Variants in APBB1 observed in about 807,000 individuals in gnomAD.
APBB1 encodes amyloid beta precursor protein binding family B member 1.
APBB1 carries 22 observed loss-of-function variants against 78.4 expected under a neutral mutation model. The observed-to-expected ratio is 0.28, with a 90% CI of 0.20 to 0.40. The LOEUF (loss-of-function observed/expected upper bound fraction) is 0.40. APBB1 is among the 10% of genes least tolerant of loss of function. APBB1 has a pLI of 1.00. For synonymous variants in APBB1, 369 were observed against 372.7 expected, an observed-to-expected ratio of 0.99 and a Z score of 0.12; for missense variants, 749 against 932.4, an observed-to-expected ratio of 0.80 and a Z score of 2.56.
chr11:6,395,639 G>GGGTGCTGGGAGGCAGGA lies in APBB1; in HGVS notation c.2011_2027dup (p.Glu679SerfsTer13). On this transcript the variant is annotated frameshift_variant, in exon 15 of 15. Coordinates refer to ENST00000609360, the MANE Select transcript of APBB1 (RefSeq NM_001164.5). LOFTEE classifies it high-confidence loss of function. The surrounding 1 kb of genome is among the most constrained non-coding windows in gnomAD (Gnocchi z 5.2). ...CACGCCGTGCCACAGACTCAGCAGG[G>GGGTGCTGGGAGGCAGGA]GGTGCTGGGAGGCAGGAGGTGGAGG... 1 of 1,596,584 alleles carries GGGTGCTGGGAGGCAGGA rather than the reference G, an allele frequency of 6.3e-7. No homozygotes were observed. Among genetic ancestry groups the GGGTGCTGGGAGGCAGGA allele is most frequent in the Non-Finnish European group, 8.5e-7 (1 of 1,170,186 alleles).
intron 1 of APBB1, among the ~76,000 whole-genome samples, chr11:6,413,377 G>C (rs1418869763): frequency 6.6e-6 from 1 of 152,138 alleles, no homozygotes; most frequent in Non-Finnish European, 1.5e-5. Context: ...TTATCTGAGA[G>C]TTCCCTATCT....
chr11:6,408,111 T>C (rs1848863637), intron 2 of APBB1, among the ~76,000 whole-genome samples: 3 of 152,318 alleles, frequency 2.0e-5, no homozygotes, highest in Middle Eastern at 6.8e-3. Context: ...CTATGAAATA[T>C]TCTTGCAAAA....
In APBB1 at chr11:6,401,751, C is replaced by T. The variant is rs748552546; in HGVS notation, c.1389-63G>A. ...ATCCAGTGCTGAGCCTGGTCCCCAC[C>T]CCACCCACGTCCTCCCTGCCCATCA... is the stretch of plus-strand genomic sequence containing the variant. On this transcript the variant is annotated intron_variant, in intron 9 of 14. Transcript: ENST00000609360. This position sits in a 1 kb window ranked among gnomAD's most constrained non-coding sequence, Gnocchi z 4.5. 19 of 1,575,812 alleles carry T rather than the reference C, an allele frequency of 1.2e-5. No homozygotes were observed. In the Admixed American group the frequency reaches 3.2e-4, roughly 26 times the overall value.
At chr11:6,409,607 T>C (rs892888887) in intron 2 of APBB1, among the ~76,000 whole-genome samples, 5 of 152,216 alleles carry the variant, frequency 3.3e-5, no homozygotes, top group Non-Finnish European at 7.3e-5. Context: ...CTGAACTGCA[T>C]GTTCTCCACA....
chr11:6,399,205 C>T (rs2134048322), intron 12 of APBB1, among the ~76,000 whole-genome samples: 1 of 152,274 alleles, frequency 6.6e-6, no homozygotes, highest in African/African-American at 2.4e-5. Context: ...ACATCCATGG[C>T]TTTGATTACC....
intron 12 of APBB1, among the ~76,000 whole-genome samples, chr11:6,397,400 C>CA (rs144326806): frequency 0.04 from 6,149 of 152,342 alleles, 435 homozygotes; most frequent in African/African-American, 0.14. Context: ...CCAGAGCTGT[C>CA]AAGCTTCATA....
At chr11:6,402,026 G>A (rs1382647597) in intron 8 of APBB1, 44 bp from the exon 9 acceptor site, 3 of 1,604,624 alleles carry the variant, frequency 1.9e-6, no homozygotes, top group Admixed American at 1.7e-5. Context: ...GAGTTAGAGA[G>A]GAGGACTCTG....
At chr11:6,402,332 C>T (rs577254190) in intron 7 of APBB1, 123 bp from the exon 8 acceptor site, 51 of 1,404,984 alleles carry the variant, frequency 3.6e-5, no homozygotes, top group East Asian at 3.6e-4. Flanking sequence ...TCAGACCGCC[C>T]GCCCTGCAGG....
intron 2 of APBB1, among the ~76,000 whole-genome samples, chr11:6,410,050 G>C (rs1004365616): frequency 6.6e-6 from 1 of 151,854 alleles, no homozygotes; most frequent in Non-Finnish European, 1.5e-5. Context: ...GTTAAAACGG[G>C]GCAGACTGGC....
intron 2 of APBB1, chr11:6,405,437 G>A: frequency 1.0e-6 from 1 of 987,292 alleles, no homozygotes. Flanking sequence ...CGCAGCACCA[G>A]GACCGGCTGG....
chr11:6,402,743 G>A lies in APBB1; in HGVS notation c.1105-18C>T, dbSNP rs202061326. 1.1e-5 allele frequency: 18 copies of A among 1,613,756 alleles called. No homozygotes were observed. The African/African-American group carries it at 1.7e-4, about 16-fold the overall frequency. ...GCGAAACACTGCCAGACACAGAAGA[G>A]GGGCAGGAGGTAGAGGATCTGAGTC... is the stretch of plus-strand genomic sequence containing the variant. On this transcript the variant is annotated intron_variant, in intron 6 of 14. Transcript: ENST00000609360.
intron 2 of APBB1, among the ~76,000 whole-genome samples, chr11:6,404,404 G>A (rs569507491): frequency 6.6e-5 from 10 of 152,138 alleles, no homozygotes; most frequent in Admixed American, 2.6e-4. Context: ...CTAAACATAC[G>A]AGCCCCTGCC....
chr11:6,412,800 G>A (rs541395072), intron 1 of APBB1, among the ~76,000 whole-genome samples: 12 of 152,226 alleles, frequency 7.9e-5, no homozygotes, highest in African/African-American at 2.9e-4. Context: ...CATCTCCTCT[G>A]CCAGTGTCAG....
chr11:6,405,240 A>C, intron 2 of APBB1: 1 of 1,019,026 alleles, frequency 9.8e-7, no homozygotes, highest in Non-Finnish European at 1.2e-6. Context: ...CAGCATAAAT[A>C]GGGTGTGGTT....
At chr11:6,402,042 G>C in intron 8 of APBB1, 40 bp downstream of exon 8, 2 of 1,609,890 alleles carry the variant, frequency 1.2e-6, no homozygotes, top group Non-Finnish European at 1.7e-6. Context: ...CTCTGATGCT[G>C]GATGAACTCC....
At chr11:6,404,940 C>T in intron 2 of APBB1, 1 of 1,444,184 alleles carries the variant, frequency 6.9e-7, no homozygotes, top group East Asian at 2.5e-5. Flanking sequence ...GTCTGCCAGG[C>T]AAGATCCTCC....
chr11:6,402,926 T>G, intron 6 of APBB1: 1 of 803,928 alleles, frequency 1.2e-6, no homozygotes, highest in East Asian at 2.7e-5. Flanking sequence ...AAAAAGCACC[T>G]GAACTAAGAC....
intron 2 of APBB1, chr11:6,405,136 A>C (rs1470658975): frequency 2.3e-5 from 29 of 1,271,694 alleles, no homozygotes; most frequent in African/African-American, 3.0e-5. Context: ...TGGTTACCTC[A>C]GTGCCTAAGC....
intron 1 of APBB1, among the ~76,000 whole-genome samples, chr11:6,418,147 A>G (rs1286714950): frequency 6.6e-6 from 1 of 152,212 alleles, no homozygotes; most frequent in South Asian, 2.1e-4. Flanking sequence ...AGAGGAAGCA[A>G]ATGAGATTGA....
Sources: gnomAD v4.1 joint callset for allele counts (sites outside exome capture counted in the v4.1 genomes callset) on GRCh38, gnomAD v4.1.1 for gene constraint, Gnocchi (gnomAD v3.1) non-coding constraint, MANE v1.5 for transcripts, NCBI Gene and HGNC (gene_info 2026-07-23, HGNC 2026-07-21) for gene names.